MKRN2: variants seen among roughly 807,000 people sequenced by gnomAD.
The protein encoded by MKRN2 is makorin ring finger protein 2.
A neutral mutation model predicts 45.4 loss-of-function variants in MKRN2; 32 were observed. The observed-to-expected ratio is 0.70, with a 90% CI of 0.53 to 0.95. MKRN2 has a LOEUF of 0.95. Among genes scored for constraint, MKRN2 ranks in the 40% least tolerant of loss-of-function variants. The pLI is 0.00. For missense variants in MKRN2, 526 were observed against 536.7 expected (o/e 0.98, Z 0.20); for synonymous variants, 206 against 192.4 (o/e 1.07, Z -0.59).
intron 1 of MKRN2, among the ~76,000 whole-genome samples, chr3:12,561,219 A>T (rs941833567): frequency 6.6e-6 from 1 of 152,238 alleles, no homozygotes; most frequent in African/African-American, 2.4e-5. Context: ...CAGCTTATAA[A>T]TGGCAAAATT....
chr3:12,557,095 G>C lies in MKRN2; in HGVS notation c.-56G>C. The C allele has an allele frequency of 2.0e-6, 3 of 1,483,610 alleles. No individual in the cohort carries two copies. The Admixed American group carries it at 6.9e-5, about 34-fold the overall frequency. The allele number at this position is 1,483,610 out of a possible 1,614,324, so 91.9% of individuals were successfully genotyped here. A position where few individuals can be genotyped will look rare whatever the true frequency, so the allele number is the denominator to read the frequency against. ...TGGGCCGGGCCAGGGCCAAGGCCGA[G>C]GCGGCAGCGGCTGCGAGAGGCGGCG... On this transcript the variant is annotated 5_prime_UTR_variant, in exon 1 of 8. Coordinates refer to ENST00000170447, the MANE Select transcript of MKRN2 (RefSeq NM_014160.5).
intron 5 of MKRN2, 110 bp from the exon 6 acceptor site, chr3:12,576,521 G>C: frequency 1.5e-6 from 1 of 660,300 alleles, no homozygotes; most frequent in South Asian, 2.0e-5. Flanking sequence ...TGGAATTTCT[G>C]GTGAAGGAAA....
intron 6 of MKRN2, 123 bp downstream of exon 6, chr3:12,576,864 G>A (rs2058140944): frequency 1.7e-6 from 1 of 586,138 alleles, no homozygotes; most frequent in East Asian, 3.2e-5. Context: ...CTTCTCTCAG[G>A]CACCATGCTG....
At chr3:12,564,245 C>G (rs2058057025) in intron 1 of MKRN2, among the ~76,000 whole-genome samples, 1 of 152,150 alleles carries the variant, frequency 6.6e-6, no homozygotes. Context: ...TGGGCCTGGC[C>G]TGAATTATTT....
chr3:12,571,387 G>A (rs139105804), intron 3 of MKRN2, among the ~76,000 whole-genome samples: 1 of 152,188 alleles, frequency 6.6e-6, no homozygotes, highest in Non-Finnish European at 1.5e-5. Context: ...GGGATTACAG[G>A]CAAGAGCCAC....
At chr3:12,575,066 A>G in intron 5 of MKRN2, 60 bp downstream of exon 5, 4 of 1,511,664 alleles carry the variant, frequency 2.6e-6, no homozygotes, top group Non-Finnish European at 3.6e-6. Flanking sequence ...TTGAGACTTT[A>G]TTCCGTCCAC....
At chr3:12,569,440 G>A (rs778998372) in intron 2 of MKRN2, among the ~76,000 whole-genome samples, 3 of 151,956 alleles carry the variant, frequency 2.0e-5, no homozygotes, top group South Asian at 2.1e-4. Context: ...AATTACAGGC[G>A]TGAGCCACCG....
chr3:12,576,231 ATT>A (rs1260142123), intron 5 of MKRN2, among the ~76,000 whole-genome samples: 95 of 100,944 alleles, frequency 9.4e-4, no homozygotes, highest in African/African-American at 3.2e-3. Context: ...GTGTGTGTGT[ATT>A]TTTTTTGCTT....
chr3:12,578,721 T>G (rs2058158977), intron 6 of MKRN2, among the ~76,000 whole-genome samples: 1 of 152,202 alleles, frequency 6.6e-6, no homozygotes. Flanking sequence ...CTTCAGGTCT[T>G]CTTGAAATAT....
intron 1 of MKRN2, among the ~76,000 whole-genome samples, chr3:12,559,738 C>T (rs960466348): frequency 6.6e-6 from 1 of 152,124 alleles, no homozygotes; most frequent in African/African-American, 2.4e-5. Context: ...CAATCTGTGC[C>T]TTTTTGCTGA....
chr3:12,581,073 G>A (rs2058175169), intron 6 of MKRN2, among the ~76,000 whole-genome samples: 1 of 152,102 alleles, frequency 6.6e-6, no homozygotes, highest in Non-Finnish European at 1.5e-5. Context: ...GAGCAAAATG[G>A]GAATTCATTT....
chr3:12,576,046 G>C (rs1559391081), intron 5 of MKRN2, among the ~76,000 whole-genome samples: 1 of 152,162 alleles, frequency 6.6e-6, no homozygotes, highest in Non-Finnish European at 1.5e-5. Context: ...GCGTGGGATT[G>C]CTAGGTTTTA....
chr3:12,573,906 A>AG (rs2125305374), intron 4 of MKRN2, among the ~76,000 whole-genome samples: 1 of 152,106 alleles, frequency 6.6e-6, no homozygotes, highest in East Asian at 1.9e-4. Context: ...AAAAAAAAAA[A>AG]ATTATTTTAT....
intron 1 of MKRN2, 87 bp from the exon 2 acceptor site, chr3:12,568,788 A>G: frequency 5.3e-6 from 8 of 1,522,288 alleles, no homozygotes; most frequent in Non-Finnish European, 7.1e-6. Flanking sequence ...TGCCTGGTAA[A>G]TGTTTGTATG....
At chr3:12,557,799 G>T (rs1177174552) in intron 1 of MKRN2, among the ~76,000 whole-genome samples, 1 of 152,206 alleles carries the variant, frequency 6.6e-6, no homozygotes, top group Non-Finnish European at 1.5e-5. Context: ...CCATTTTACA[G>T]TGCAGGAAAC....
Position 12,557,196 on chromosome 3 carries a change from G to A in MKRN2, c.26+20G>A, listed in dbSNP as rs1257305352. The A allele has an allele frequency of 2.0e-6, 3 of 1,534,022 alleles. No individual in the cohort carries two copies. The highest frequency in any genetic ancestry group is 2.8e-5 in the African/African-American group (2 of 71,046). On this transcript the variant is annotated intron_variant, in intron 1 of 7. Coordinates refer to ENST00000170447, the MANE Select transcript of MKRN2 (RefSeq NM_014160.5). ...TTGCAGGTCAGTGCGCTGGAGCCAG[G>A]AGCTTCGGGCCGCTCCCCCAGGCCG...
At chr3:12,575,981 T>C (rs1434856262) in intron 5 of MKRN2, among the ~76,000 whole-genome samples, 1 of 152,190 alleles carries the variant, frequency 6.6e-6, no homozygotes, top group East Asian at 1.9e-4. Flanking sequence ...GCTGTCAACA[T>C]TTGTGAACAC....
In MKRN2 at chr3:12,572,238, G is replaced by T; in HGVS notation, c.507G>T (p.Gln169His). 4 of 1,614,142 alleles carry T rather than the reference G, an allele frequency of 2.5e-6. No homozygotes were observed. Among genetic ancestry groups the T allele is most frequent in the South Asian group, 1.1e-5 (1 of 91,078 alleles). ...EASSSYSNEQ[Q>H]LCPYAAAGEC... Reference sequence around the variant, plus strand: ...GCAGCTCCTACAGCAACGAGCAGCAGCTGTGCCCCTACGCAGCTGCTGGGG... The same window carrying T: ...GCAGCTCCTACAGCAACGAGCAGCATCTGTGCCCCTACGCAGCTGCTGGGG... Residue 169 changes from glutamine to histidine, a missense_variant, in exon 4 of 8, where the codon CAG becomes CAT. Gln to His is a conservative substitution (Grantham distance 24, BLOSUM62 0). Transcript: ENST00000170447.
intron 6 of MKRN2, among the ~76,000 whole-genome samples, chr3:12,577,732 G>A (rs138895559): frequency 3.6e-4 from 54 of 151,690 alleles, no homozygotes; most frequent in African/African-American, 1.3e-3. Flanking sequence ...CTGGAGTGCA[G>A]TGGCACAATC....
Sources: gnomAD v4.1 joint callset for allele counts (sites outside exome capture counted in the v4.1 genomes callset) on GRCh38, gnomAD v4.1.1 for gene constraint, MANE v1.5 for transcripts, NCBI Gene and HGNC (gene_info 2026-07-23, HGNC 2026-07-21) for gene names.